YAE1: variants seen among roughly 807,000 people sequenced by gnomAD.
The protein encoded by YAE1 is YAE1 maturation factor of ABCE1, also known as protein YAE1 homolog.
A neutral mutation model predicts 23.0 loss-of-function variants in YAE1; 22 were observed. The observed-to-expected ratio is 0.96, with a 90% CI of 0.68 to 1.37. The LOEUF (loss-of-function observed/expected upper bound fraction) is 1.37, where lower values mean the gene tolerates loss of function less well. YAE1 is among the 40% of genes most tolerant of loss of function. The probability of loss-of-function intolerance (pLI) is 0.00; values close to 1 mark genes in which losing one functional copy is unlikely to be tolerated. For synonymous variants in YAE1, 101 were observed against 97.0 expected (o/e 1.04, Z -0.24); for missense variants, 260 against 262.1 (o/e 0.99, Z 0.06).
At chr7:39,606,970 A>G (rs1464255735) in intron 2 of YAE1, among the ~76,000 whole-genome samples, 1 of 152,226 alleles carries the variant, frequency 6.6e-6, no homozygotes, top group African/African-American at 2.4e-5. Context: ...TGGTCTTTAT[A>G]CCAGTGCAAA....
chr7:39,596,526 C>A (rs972772439), intron 2 of YAE1, among the ~76,000 whole-genome samples: 1 of 152,168 alleles, frequency 6.6e-6, no homozygotes, highest in East Asian at 1.9e-4. Context: ...CATGAGCCAC[C>A]ATGCCCGGCT....
intron 2 of YAE1, among the ~76,000 whole-genome samples, chr7:39,595,750 A>G (rs1790963880): frequency 6.6e-6 from 1 of 152,250 alleles, no homozygotes; most frequent in South Asian, 2.1e-4. Flanking sequence ...TACATATTCA[A>G]ACTCTGTGGT....
intron 1 of YAE1, chr7:39,569,523 G>A: frequency 4.0e-6 from 2 of 497,076 alleles, no homozygotes; most frequent in Middle Eastern, 3.4e-4. Context: ...CAAAGGTTGA[G>A]CAGATTCTGA....
chr7:39,593,279 G>C (rs190834296), intron 2 of YAE1, among the ~76,000 whole-genome samples: 18 of 136,818 alleles, frequency 1.3e-4, no homozygotes, highest in African/African-American at 5.0e-4. Flanking sequence ...CTAAGTCCTG[G>C]GTTCGAGTTA....
intron 2 of YAE1, among the ~76,000 whole-genome samples, chr7:39,593,173 A>ATTTT (rs1790924411): frequency 1.2e-3 from 50 of 40,016 alleles, no homozygotes; most frequent in Non-Finnish European, 1.4e-3. Flanking sequence ...CCATTTGGTT[A>ATTTT]TTTCTTTTTT....
rs2115775763 is a variant in YAE1 at position 39,572,266 on chromosome 7, C to T, written c.252-11C>T. The stretch of plus-strand genomic sequence containing the variant: ...TTTTGCTATTTAACCCTTGTTTATA[C>T]TTTTGTTCAGTGCTTTGCTCTCCTG... On this transcript the variant is annotated splice_polypyrimidine_tract_variant and intron_variant, in intron 2 of 2. Coordinates refer to ENST00000223273, the MANE Select transcript of YAE1 (RefSeq NM_020192.5). 2 of 1,592,304 alleles carry T rather than the reference C, an allele frequency of 1.3e-6. No homozygotes were observed. Among genetic ancestry groups the T allele is most frequent in the South Asian group, 1.1e-5 (1 of 87,200 alleles).
chr7:39,601,852 G>T (rs1345463004), intron 2 of YAE1, among the ~76,000 whole-genome samples: 1 of 151,946 alleles, frequency 6.6e-6, no homozygotes, highest in African/African-American at 2.4e-5. Flanking sequence ...GCAGATGCTT[G>T]GGTAGAGCAT....
downstream of YAE1, among the ~76,000 whole-genome samples, chr7:39,574,356 G>T (rs1790621639): frequency 6.6e-6 from 1 of 152,176 alleles, no homozygotes; most frequent in Non-Finnish European, 1.5e-5. Flanking sequence ...TCAACACTTT[G>T]GGAGGTGAAG....
chr7:39,609,863 C>G, exon 3 of YAE1: 1 of 1,533,896 alleles, frequency 6.5e-7, no homozygotes, highest in Non-Finnish European at 8.7e-7. Flanking sequence ...GCCGGCGTTT[C>G]AGACGCAAAC....
At chr7:39,566,780 C>CAAAATT (rs574591849) in intron 1 of YAE1, 199 of 471,496 alleles carry the variant, frequency 4.2e-4, no homozygotes, top group African/African-American at 3.6e-3. Flanking sequence ...GAGGACCGAC[C>CAAAATT]AAAATTAACT....
At chr7:39,583,764 T>G (rs1312249819) in intron 2 of YAE1, among the ~76,000 whole-genome samples, 1 of 152,210 alleles carries the variant, frequency 6.6e-6, no homozygotes, top group Non-Finnish European at 1.5e-5. Context: ...CGTGCAATTA[T>G]GTATGTAAAG....
Position 39,572,787 on chromosome 7 carries a change from T to C in YAE1, c.*81T>C. 4.7e-6 allele frequency: 7 copies of C among 1,491,306 alleles called. No homozygotes were observed. In the South Asian group the frequency reaches 1.0e-4, roughly 21 times the overall value. The allele number at this position is 1,491,306 out of a possible 1,614,324, so 92.4% of individuals were successfully genotyped here. On this transcript the variant is annotated 3_prime_UTR_variant, in exon 3 of 3. Transcript: ENST00000223273. ...ATCGAAATTTGTACTGGTTTCTGCA[T>C]CAAACACCTCAACTGTAGGGTTACC...
At chr7:39,608,385 A>T (rs908113067) in intron 2 of YAE1, among the ~76,000 whole-genome samples, 1 of 152,154 alleles carries the variant, frequency 6.6e-6, no homozygotes, top group Non-Finnish European at 1.5e-5. Context: ...CTGACAAGAG[A>T]AGACGTAGGG....
At chr7:39,584,779 G>A (rs1479422271) in intron 2 of YAE1, among the ~76,000 whole-genome samples, 2 of 152,208 alleles carry the variant, frequency 1.3e-5, no homozygotes, top group East Asian at 3.9e-4. Context: ...AGCACTATGG[G>A]AGGCCGGGTT....
chr7:39,594,374 C>T lies in YAE1; in HGVS notation c.252-15243C>T, dbSNP rs371284526. ...TATGAGTCTGTGAGTATTAGCTACC[C>T]GGTGCAAGCCTTGCTGGAGCCCACC... On this transcript the variant is annotated intron_variant, in intron 2 of 2. Coordinates refer to the YAE1 transcript ENST00000432096. 4.4e-4 allele frequency among the ~76,000 whole-genome samples: 67 copies of T among 152,204 alleles called. 1 individual carries two copies. The highest frequency in any genetic ancestry group is 1.5e-3 in the South Asian group (7 of 4,820).
intron 2 of YAE1, among the ~76,000 whole-genome samples, chr7:39,584,907 C>T (rs543895397): frequency 3.3e-5 from 5 of 152,274 alleles, no homozygotes; most frequent in African/African-American, 9.6e-5. Flanking sequence ...TAGCACCCTC[C>T]ACCTCATAAC....
intron 2 of YAE1, among the ~76,000 whole-genome samples, chr7:39,605,406 A>G (rs964584634): frequency 6.6e-6 from 1 of 152,244 alleles, no homozygotes; most frequent in Admixed American, 6.5e-5. Context: ...TGTCCTATCT[A>G]CTATGGGTAG....
At chr7:39,607,932 G>A (rs1384796421) in intron 2 of YAE1, among the ~76,000 whole-genome samples, 1 of 152,230 alleles carries the variant, frequency 6.6e-6, no homozygotes, top group Non-Finnish European at 1.5e-5. Flanking sequence ...GCCTCCCAAA[G>A]TGTTGGGATT....
chr7:39,579,667 CA>C (rs70996816), intron 2 of YAE1, among the ~76,000 whole-genome samples: 10,727 of 140,272 alleles, frequency 0.076, 580 homozygotes, highest in African/African-American at 0.16. Flanking sequence ...GACTCTGTCT[CA>C]AAAAAAAAAA....
Sources: allele counts gnomAD v4.1 joint callset (sites outside exome capture counted in the v4.1 genomes callset), GRCh38; gene constraint gnomAD v4.1.1; transcripts MANE v1.5; gene names NCBI Gene and HGNC (gene_info 2026-07-23, HGNC 2026-07-21).